The following ATL1 variants were observed in gnomAD, a reference collection of about 807,000 sequenced individuals.
The protein encoded by ATL1 is atlastin-1.
Under a neutral mutation model 75.5 loss-of-function variants are expected in ATL1, and 31 were observed. That is an observed-to-expected ratio of 0.41 (90% CI 0.31 to 0.55). The LOEUF (loss-of-function observed/expected upper bound fraction) is 0.55. Among genes scored for constraint, ATL1 ranks in the 20% least tolerant of loss-of-function variants. ATL1 has a pLI of 0.27. For synonymous variants in ATL1, 226 were observed against 233.3 expected, an observed-to-expected ratio of 0.97 and a Z score of 0.28; for missense variants, 405 against 662.6, an observed-to-expected ratio of 0.61 and a Z score of 4.27.
intron 8 of ATL1, among the ~76,000 whole-genome samples, chr14:50,619,583 A>G (rs1003865121): frequency 6.6e-6 from 1 of 152,218 alleles, no homozygotes; most frequent in Non-Finnish European, 1.5e-5. Context: ...TCTGTTTTCT[A>G]TATTACTTTG....
At chr14:50,599,877 C>T (rs1314349936) in intron 6 of ATL1, among the ~76,000 whole-genome samples, 1 of 151,908 alleles carries the variant, frequency 6.6e-6, no homozygotes, top group Non-Finnish European at 1.5e-5. Context: ...GGTATGAATT[C>T]TCCTGAGGGC....
intron 1 of ATL1, among the ~76,000 whole-genome samples, chr14:50,546,098 C>T (rs1161083255): frequency 6.6e-6 from 1 of 151,938 alleles, no homozygotes. Flanking sequence ...ACAATTCTAA[C>T]TAAAATGTAA....
chr14:50,614,182 G>A (rs566041285), intron 7 of ATL1, among the ~76,000 whole-genome samples, 191 bp from the exon 8 acceptor site: 1 of 152,204 alleles, frequency 6.6e-6, no homozygotes, highest in Admixed American at 6.5e-5. Context: ...TATGCCATGC[G>A]TTTTCTATAC....
chr14:50,616,534 C>T (rs2039417878), intron 8 of ATL1, among the ~76,000 whole-genome samples: 1 of 150,954 alleles, frequency 6.6e-6, no homozygotes, highest in Non-Finnish European at 1.5e-5. Context: ...ACTATGCTGC[C>T]CAGGCTGGTC....
At position 50,613,649 on chromosome 14, in the gene ATL1, G is replaced by A. The variant is rs572176398; in HGVS notation, c.723+298G>A. On this transcript the variant is annotated intron_variant, in intron 7 of 13. Coordinates refer to ENST00000358385, the MANE Select transcript of ATL1 (RefSeq NM_015915.5). ...CAAATATCTAATTTTGAAATCCCTG[G>A]AGTCAATCTTAGAGCACAGAATGTA... Among the ~76,000 whole-genome samples the A allele has an allele frequency of 2.0e-5, 3 of 152,244 alleles. 1 individual carries two copies. The South Asian group carries it at 6.2e-4, about 32-fold the overall frequency.
chr14:50,549,853 C>A (rs987291030), intron 1 of ATL1, among the ~76,000 whole-genome samples: 1 of 152,200 alleles, frequency 6.6e-6, no homozygotes, highest in African/African-American at 2.4e-5. Context: ...TGAAACCATA[C>A]AAATTTTAAA....
At chr14:50,603,431 C>A (rs534588251) in intron 6 of ATL1, among the ~76,000 whole-genome samples, 1 of 152,138 alleles carries the variant, frequency 6.6e-6, no homozygotes, top group Admixed American at 6.6e-5. Flanking sequence ...TTAGTGAGCA[C>A]ATCAGTCTGT....
At chr14:50,624,230 T>C (rs1412261430) in intron 11 of ATL1, among the ~76,000 whole-genome samples, 1 of 152,130 alleles carries the variant, frequency 6.6e-6, no homozygotes, top group Non-Finnish European at 1.5e-5. Flanking sequence ...CTCACTTTCT[T>C]GCACTTTTTA....
Position 50,601,851 on chromosome 14 carries a change from A to T in ATL1, c.630+6219A>T, listed in dbSNP as rs1433786072. ...TGAGAATGACAATATTTTTCCATTA[A>T]TTTAAACATGGCTGTATGTAATAAC... On this transcript the variant is annotated intron_variant, in intron 6 of 13. Coordinates refer to ENST00000358385, the MANE Select transcript of ATL1 (RefSeq NM_015915.5). 3.3e-5 allele frequency among the ~76,000 whole-genome samples: 5 copies of T among 152,308 alleles called. No homozygotes were observed. In the East Asian group the frequency reaches 9.6e-4, roughly 29 times the overall value.
intron 1 of ATL1, among the ~76,000 whole-genome samples, chr14:50,581,979 A>G (rs1179866245): frequency 1.3e-5 from 2 of 152,180 alleles, no homozygotes; most frequent in Non-Finnish European, 2.9e-5. Context: ...AGCAATAATA[A>G]CTATTAAAGA....
intron 11 of ATL1, among the ~76,000 whole-genome samples, chr14:50,626,748 C>G (rs906876216): frequency 1.3e-5 from 2 of 152,050 alleles, no homozygotes; most frequent in African/African-American, 2.4e-5. Context: ...TTTCTTTATG[C>G]TAGGAACATT....
At chr14:50,588,226 A>G (rs997334996) in intron 2 of ATL1, 148 bp downstream of exon 2, 1 of 1,056,622 alleles carries the variant, frequency 9.5e-7, no homozygotes, top group Admixed American at 2.2e-5. Context: ...TAACCATTCC[A>G]ACCTCAGTGC....
chr14:50,553,211 C>A lies in ATL1; in HGVS notation c.-139-6916C>A, dbSNP rs769563349. 4.7e-4 allele frequency among the ~76,000 whole-genome samples: 70 copies of A among 149,444 alleles called. 1 individual carries two copies. The highest frequency in any genetic ancestry group is 3.7e-3 in the Admixed American group (55 of 14,934). On this transcript the variant is annotated intron_variant, in intron 1 of 13. Transcript: ENST00000441560. The stretch of plus-strand genomic sequence containing the variant: ...CTCAGGAGGCTGAAGCAGGAGAATG[C>A]AGTGAGCCGAGATCGTGCCACTGCA...
chr14:50,613,170 A>G, intron 6 of ATL1, 89 bp from the exon 7 acceptor site: 1 of 962,876 alleles, frequency 1.0e-6, no homozygotes, highest in Non-Finnish European at 1.7e-6. Context: ...ACGATATTCA[A>G]ATGACAGTGA....
At chr14:50,582,431 A>T (rs189846629) in intron 1 of ATL1, among the ~76,000 whole-genome samples, 228 of 150,098 alleles carry the variant, frequency 1.5e-3, no homozygotes, top group Non-Finnish European at 2.5e-3. Flanking sequence ...TTTCCATAAG[A>T]CGGAGTCTCA....
chr14:50,610,321 C>G (rs1339769061), intron 6 of ATL1, among the ~76,000 whole-genome samples: 1 of 151,944 alleles, frequency 6.6e-6, no homozygotes, highest in Non-Finnish European at 1.5e-5. Context: ...TAGCAATATT[C>G]CATGGAAAAA....
chr14:50,568,144 C>T (rs1252801338), intron 1 of ATL1, among the ~76,000 whole-genome samples: 1 of 152,196 alleles, frequency 6.6e-6, no homozygotes. Context: ...ATTCTGTCAA[C>T]TTTTGCTTCA....
rs1221264282 is a variant in ATL1, at chr14:50,614,369, G to A, written c.724-4G>A. On this transcript the variant is annotated splice_region_variant and splice_polypyrimidine_tract_variant and intron_variant, in intron 7 of 13. Transcript: ENST00000358385. ...AGTTTAAACTTCAGAATGATTTACT[G>A]CAGGTCTCAGGGAACCAGCATGAAG... 1 of 1,613,902 alleles carries A rather than the reference G, an allele frequency of 6.2e-7. No individual in the cohort carries two copies. Among genetic ancestry groups the A allele is most frequent in the Non-Finnish European group, 8.5e-7 (1 of 1,179,874 alleles).
chr14:50,534,858 A>T (rs1222350993), intron 1 of ATL1, among the ~76,000 whole-genome samples: 1 of 152,260 alleles, frequency 6.6e-6, no homozygotes, highest in East Asian at 1.9e-4. Flanking sequence ...CTTTGTAAAG[A>T]AATGCAAATT....
Sources: gnomAD v4.1 joint callset for allele counts (sites outside exome capture counted in the v4.1 genomes callset) on GRCh38, gnomAD v4.1.1 for gene constraint, MANE v1.5 for transcripts, NCBI Gene and HGNC (gene_info 2026-07-23, HGNC 2026-07-21) for gene names.